The following COL4A6 variants were observed in gnomAD, a reference collection of about 807,000 sequenced individuals.
The protein encoded by COL4A6 is collagen alpha-6(IV) chain.
In COL4A6, 59 loss-of-function variants were observed where a neutral mutation model predicts 126.7. The observed-to-expected ratio is 0.47, with a 90% confidence interval of 0.38 to 0.58. The LOEUF is 0.58. Among genes scored for constraint, COL4A6 ranks in the 20% least tolerant of loss-of-function variants. The pLI is 0.00. For synonymous variants in COL4A6, 547 were observed against 496.6 expected, an observed-to-expected ratio of 1.10 and a Z score of -1.35; for missense variants, 1,285 against 1,337.3, an observed-to-expected ratio of 0.96 and a Z score of 0.61.
At chrX:108,201,044 C>A (rs771998103) in intron 13 of COL4A6, among the ~76,000 whole-genome samples, 1 of 111,970 alleles carries the variant, frequency 8.9e-6, no homozygotes, top group African/African-American at 3.2e-5. Context: ...TCATTAGATA[C>A]AGAGGTGATT....
At chrX:108,171,548 TTCAGA>T in intron 32 of COL4A6, 87 bp from the exon 33 acceptor site, 13 of 815,194 alleles carry the variant, frequency 1.6e-5, no homozygotes, top group Non-Finnish European at 2.3e-5. Context: ...CATTTTTTTT[TTCAGA>T]TTCAGTGTAG....
At chrX:108,314,415 A>C (rs902299358) in intron 2 of COL4A6, among the ~76,000 whole-genome samples, 10 of 111,756 alleles carry the variant, frequency 8.9e-5, no homozygotes, top group Admixed American at 2.8e-4. Context: ...TTCAAGTTCT[A>C]TATTTTCCAT....
intron 11 of COL4A6, among the ~76,000 whole-genome samples, chrX:108,205,085 C>T (rs188266526): frequency 9.1e-6 from 1 of 109,373 alleles, no homozygotes; most frequent in East Asian, 2.9e-4. Context: ...AGAGGGGAAG[C>T]AGAGACAAGG....
intron 3 of COL4A6, among the ~76,000 whole-genome samples, chrX:108,275,570 C>T (rs1263633969): frequency 2.7e-5 from 3 of 112,967 alleles, no homozygotes; most frequent in Admixed American, 1.9e-4. Flanking sequence ...AGAGGTTAAG[C>T]TCCCAAATTC....
chrX:108,159,555 G>A lies in COL4A6; in HGVS notation c.4719C>T (p.Pro1573=), dbSNP rs1372081026. The change falls in exon 44 of 45, where the codon CCC becomes CCT. Residue 1573 remains proline (P), a synonymous_variant. Coordinates refer to ENST00000334504, the MANE Select transcript of COL4A6 (RefSeq NM_033641.4). ...GGCTGTGCACAGCAATGGCTTGCGA[G>A]GGTGCCTCACACACAGAGCAGCGGC... The part of the protein sequence containing the change: ...YISRCSVCEA[P]SQAIAVHSQD... The A allele has an allele frequency of 8.2e-7, 1 of 1,212,332 alleles. No homozygotes were observed. The highest frequency in any genetic ancestry group is 2.2e-5 in the Admixed American group (1 of 46,113).
At chrX:108,394,444 G>GA (rs892474491) in intron 2 of COL4A6, among the ~76,000 whole-genome samples, 6 of 108,312 alleles carry the variant, frequency 5.5e-5, no homozygotes, top group Admixed American at 9.8e-5. Context: ...AAAAGAAAAA[G>GA]AAAAAAAAAG....
intron 19 of COL4A6, 130 bp downstream of exon 19, chrX:108,191,263 C>G: frequency 1.2e-6 from 1 of 800,033 alleles, no homozygotes. Context: ...TTCATGGCTG[C>G]CCCTCTGCAA....
chrX:108,199,117 CA>C (rs1041921867), intron 13 of COL4A6, among the ~76,000 whole-genome samples: 3 of 111,091 alleles, frequency 2.7e-5, no homozygotes, highest in Non-Finnish European at 5.7e-5. Flanking sequence ...AGGTAAGGGG[CA>C]AATCTGTCAG....
In COL4A6 at chrX:108,410,981, A is replaced by G. The variant is rs531668976; in HGVS notation, c.63+26961T>C. ...ATTTCCCAAGCTTTTAATAACTGTT[A>G]TCTGTCTAGACATCAACTCATAGGA... is the stretch of plus-strand genomic sequence containing the variant. On this transcript the variant is annotated intron_variant, in intron 2 of 44. Coordinates refer to ENST00000334504, the MANE Select transcript of COL4A6 (RefSeq NM_033641.4). Among the ~76,000 whole-genome samples the G allele has an allele frequency of 2.3e-4, 26 of 112,770 alleles. No individual in the cohort carries two copies. The South Asian group carries it at 8.0e-3, about 35-fold the overall frequency.
At chrX:108,328,250 G>A (rs1395057593) in intron 2 of COL4A6, among the ~76,000 whole-genome samples, 1 of 111,272 alleles carries the variant, frequency 9.0e-6, no homozygotes, top group East Asian at 2.8e-4. Context: ...GATATCAACA[G>A]CTGCTAGTAT....
chrX:108,391,537 C>A (rs1003990982), intron 2 of COL4A6, among the ~76,000 whole-genome samples: 2 of 111,720 alleles, frequency 1.8e-5, no homozygotes, highest in African/African-American at 3.3e-5. Flanking sequence ...CCCCTCCCCC[C>A]ACCAAGCTCC....
chrX:108,292,181 C>T (rs2038178642), intron 3 of COL4A6, among the ~76,000 whole-genome samples: 1 of 111,864 alleles, frequency 8.9e-6, no homozygotes, highest in Admixed American at 9.5e-5. Context: ...CAATTTTCTT[C>T]GAATATCACT....
At chrX:108,308,555 A>G (rs1045621946) in intron 3 of COL4A6, among the ~76,000 whole-genome samples, 3 of 112,380 alleles carry the variant, frequency 2.7e-5, no homozygotes, top group Non-Finnish European at 5.6e-5. Flanking sequence ...GCTAAAGAAT[A>G]TGTCCAGGAA....
intron 2 of COL4A6, among the ~76,000 whole-genome samples, chrX:108,328,053 A>G (rs2039204978): frequency 8.9e-6 from 1 of 112,015 alleles, no homozygotes; most frequent in African/African-American, 3.2e-5. Context: ...AATTTGTTAA[A>G]AAAAGGATAG....
intron 2 of COL4A6, among the ~76,000 whole-genome samples, chrX:108,356,036 T>A (rs1391236253): frequency 9.1e-6 from 1 of 109,797 alleles, no homozygotes; most frequent in Non-Finnish European, 1.9e-5. Context: ...TGAAAGTCTT[T>A]ATCTGCACCC....
intron 3 of COL4A6, among the ~76,000 whole-genome samples, chrX:108,298,698 G>A (rs1442280537): frequency 9.1e-6 from 1 of 109,983 alleles, no homozygotes; most frequent in Non-Finnish European, 1.9e-5. Flanking sequence ...AACTGTCTGG[G>A]GTCTGGGGGC....
intron 3 of COL4A6, among the ~76,000 whole-genome samples, chrX:108,266,011 A>G (rs187917116): frequency 8.9e-6 from 1 of 112,156 alleles, no homozygotes; most frequent in Admixed American, 9.4e-5. Context: ...AAAGGTGAGC[A>G]GCTAGGGCTG....
chrX:108,237,346 C>G (rs138913984), intron 3 of COL4A6, among the ~76,000 whole-genome samples: 551 of 112,006 alleles, frequency 4.9e-3, no homozygotes, highest in African/African-American at 0.017. Context: ...CAACTCCCAC[C>G]TGTCTTTGCA....
At position 108,157,249 on chromosome X, in the gene COL4A6, A is replaced by G; in HGVS notation, c.4824T>C (p.Ala1608=). 8.3e-7 allele frequency: 1 copy of G among 1,210,456 alleles called. No homozygotes were observed. The highest frequency in any genetic ancestry group is 1.8e-5 in the South Asian group (1 of 56,794). The change falls in exon 45 of 45, where the codon GCT becomes GCC. Residue 1608 remains alanine, a synonymous_variant. Transcript: ENST00000334504. ...IGYSFLMHTA[A]GAEGGGQSLV... ...GGGACTGGCCTCCACCCTCGGCACCAGCGGCAGTGTGCTGAAACAGACAGG... is the reference window on the plus strand; with the variant it reads ...GGGACTGGCCTCCACCCTCGGCACCGGCGGCAGTGTGCTGAAACAGACAGG...
Sources: allele counts gnomAD v4.1 joint callset (sites outside exome capture counted in the v4.1 genomes callset), GRCh38; gene constraint gnomAD v4.1.1; transcripts MANE v1.5; gene names NCBI Gene and HGNC (gene_info 2026-07-23, HGNC 2026-07-21).